The following SYNE2 variants were observed in gnomAD, a reference collection of about 807,000 sequenced individuals.
SYNE2 encodes nesprin-2.
In SYNE2, 431 loss-of-function variants were observed where a neutral mutation model predicts 856.3. The observed-to-expected ratio is 0.50, with a 90% CI of 0.47 to 0.55. The LOEUF is 0.55. Among genes scored for constraint, SYNE2 ranks in the 20% least tolerant of loss-of-function variants. The pLI, the probability that SYNE2 is intolerant of heterozygous loss-of-function variation, is 0.00. For missense variants in SYNE2, 8,129 were observed against 8,023.2 expected (o/e 1.01, Z -0.50); for synonymous variants, 2,923 against 2,872.3 (o/e 1.02, Z -0.56).
chr14:64,217,988 C>G (rs1347693994), intron 108 of SYNE2, among the ~76,000 whole-genome samples: 1 of 152,204 alleles, frequency 6.6e-6, no homozygotes, highest in Non-Finnish European at 1.5e-5. Flanking sequence ...TGCCAACCAC[C>G]TCTACAGAGT....
chr14:64,149,987 A>G (rs893054636), intron 84 of SYNE2, among the ~76,000 whole-genome samples: 4 of 140,206 alleles, frequency 2.9e-5, no homozygotes, highest in African/African-American at 7.9e-5. Flanking sequence ...TGCTATTGCC[A>G]TGGCTTTTTT....
intron 1 of SYNE2, among the ~76,000 whole-genome samples, chr14:63,822,671 A>G (rs1889267595): frequency 6.6e-6 from 1 of 152,256 alleles, no homozygotes; most frequent in Non-Finnish European, 1.5e-5. Context: ...TGCTCTGCTC[A>G]TGTCTAGAAT....
chr14:63,774,954 TTTTA>T (rs1000791428), intron 1 of SYNE2, among the ~76,000 whole-genome samples: 3 of 151,028 alleles, frequency 2.0e-5, no homozygotes, highest in South Asian at 2.1e-4. Flanking sequence ...TTTAATTTAA[TTTTA>T]TTTATTTATT....
At position 64,027,496 on chromosome 14, in the gene SYNE2, G is replaced by GCTT; in HGVS notation, c.6420_6422dup (p.Leu2142dup). ...TTGTGAAATTTAGCCATCAAGAAAA[G>GCTT]CTTCTACTAGAAGGAGAGAAATATT... On this transcript the variant is annotated inframe_insertion, in exon 43 of 116. Coordinates refer to ENST00000555002, the MANE Select transcript of SYNE2 (RefSeq NM_182914.3). 6.3e-7 allele frequency: 1 copy of GCTT among 1,589,964 alleles called. No homozygotes were observed. Among genetic ancestry groups the GCTT allele is most frequent in the Non-Finnish European group, 8.5e-7 (1 of 1,170,456 alleles).
chr14:63,789,872 G>C (rs539726062), intron 1 of SYNE2, among the ~76,000 whole-genome samples: 85 of 152,090 alleles, frequency 5.6e-4, no homozygotes, highest in Non-Finnish European at 9.9e-4. Flanking sequence ...TGAAAAAATT[G>C]TAGGGGAGTT....
rs2097894182 is a variant in SYNE2, at chr14:64,120,998, A to G, written c.13095A>G (p.Glu4365=). ...QEALQPVNLS[E]LESIVTERPQ... ...CTCTCCAACCAGTTAACCTTTCTGA[A>G]TTGGAATCCATTGTAACTGAAAGGC... Residue 4365 remains glutamate (E), a synonymous_variant, in exon 68 of 116, where the codon GAA becomes GAG. Coordinates refer to ENST00000555002, the MANE Select transcript of SYNE2 (RefSeq NM_182914.3). The G allele has an allele frequency of 6.2e-7, 1 of 1,614,078 alleles. No individual in the cohort carries two copies. The highest frequency in any genetic ancestry group is 1.3e-5 in the African/African-American group (1 of 74,924).
chr14:64,134,837 A>T (rs1237973724), intron 78 of SYNE2, among the ~76,000 whole-genome samples: 1 of 151,710 alleles, frequency 6.6e-6, no homozygotes, highest in Admixed American at 6.6e-5. Context: ...AAAAAAAAAA[A>T]TTAGCTGGGC....
At chr14:63,852,149 G>T (rs1292414490), upstream of SYNE2, among the ~76,000 whole-genome samples, 6 of 152,010 alleles carry the variant, frequency 3.9e-5, no homozygotes, top group Non-Finnish European at 7.4e-5. Flanking sequence ...AAATTTGATT[G>T]TGATAGAAAC....
At chr14:64,173,877 C>G (rs376992714) in intron 94 of SYNE2, 1 of 655,728 alleles carries the variant, frequency 1.5e-6, no homozygotes, top group African/African-American at 1.8e-5. Context: ...ATTATAAATA[C>G]CTAGTTTCAA....
rs367888426 is a variant in SYNE2, at chr14:64,140,083, A to G, written c.14976+10A>G. The G allele has an allele frequency of 1.6e-4, 257 of 1,611,856 alleles. No individual in the cohort carries two copies. The highest frequency in any genetic ancestry group is 1.3e-3 in the Middle Eastern group (8 of 6,082). On this transcript the variant is annotated intron_variant, in intron 80 of 115. Transcript: ENST00000555002. Reference sequence around the variant, plus strand: ...CATCAACAATTTTTTTGTAAGTTGTAATAGCATATGTTCAGTTAATTACTG... The same window carrying G: ...CATCAACAATTTTTTTGTAAGTTGTGATAGCATATGTTCAGTTAATTACTG...
intron 1 of SYNE2, among the ~76,000 whole-genome samples, chr14:63,839,436 G>A (rs950302066): frequency 2.0e-5 from 3 of 152,002 alleles, no homozygotes; most frequent in Non-Finnish European, 2.9e-5. Context: ...CACCCCCCAC[G>A]CCCATTTACT....
intron 1 of SYNE2, among the ~76,000 whole-genome samples, chr14:63,772,179 C>A (rs1456635008): frequency 6.6e-6 from 1 of 152,036 alleles, no homozygotes; most frequent in Non-Finnish European, 1.5e-5. Context: ...CATGGTGAAA[C>A]CCTGTCTCTA....
intron 1 of SYNE2, among the ~76,000 whole-genome samples, chr14:63,770,771 C>A (rs1033829810): frequency 1.3e-5 from 2 of 152,050 alleles, no homozygotes; most frequent in Non-Finnish European, 2.9e-5. Context: ...GCCTGGGTGA[C>A]AGAGCAAGAT....
At chr14:63,827,226 C>T (rs140065120) in intron 1 of SYNE2, among the ~76,000 whole-genome samples, 311 of 149,540 alleles carry the variant, frequency 2.1e-3, no homozygotes, top group Non-Finnish European at 3.5e-3. Flanking sequence ...TGCAGTGAGC[C>T]GAGATTGTGC....
chr14:64,201,129 C>T (rs1371675409), intron 99 of SYNE2, among the ~76,000 whole-genome samples: 1 of 152,204 alleles, frequency 6.6e-6, no homozygotes, highest in Non-Finnish European at 1.5e-5. Flanking sequence ...CGGTTAGGTA[C>T]ATTGCAGGGT....
At chr14:63,977,472 A>G (rs2096553344) in intron 12 of SYNE2, among the ~76,000 whole-genome samples, 2 of 152,188 alleles carry the variant, frequency 1.3e-5, no homozygotes, top group Admixed American at 6.5e-5. Flanking sequence ...TCGGCCTCCC[A>G]TAGTGCTGGG....
intron 2 of SYNE2, among the ~76,000 whole-genome samples, chr14:63,926,245 C>T (rs2095664283): frequency 6.6e-6 from 1 of 151,772 alleles, no homozygotes; most frequent in Admixed American, 6.6e-5. Context: ...ATCTCACCCC[C>T]AGCCCTAGGC....
chr14:64,053,362 A>G lies in SYNE2; in HGVS notation c.9449A>G (p.Asp3150Gly). 6.2e-7 allele frequency: 1 copy of G among 1,613,642 alleles called. No individual in the cohort carries two copies. The highest frequency in any genetic ancestry group is 8.5e-7 in the Non-Finnish European group (1 of 1,179,936). The change falls in exon 48 of 116, where the codon GAT (aspartate) becomes GGT (glycine). Residue 3150 changes from aspartate to glycine, a missense_variant. Asp to Gly is a moderately conservative substitution (Grantham distance 94). This residue lies in a region of SYNE2 where 5,410 missense variants were observed against 5,284.8 expected (regional missense o/e 1.02). Coordinates refer to ENST00000555002, the MANE Select transcript of SYNE2 (RefSeq NM_182914.3). The part of the protein sequence containing the change: ...MVLELSPKEL[D>G]EKNCQDKLET... ...TTAGAACTCTCACCAAAAGAATTGGATGAAAAGAATTGTCAGGACAAACTA... is the reference window on the plus strand; with the variant it reads ...TTAGAACTCTCACCAAAAGAATTGGGTGAAAAGAATTGTCAGGACAAACTA...
chr14:64,200,249 CA>C (rs1305071118), intron 99 of SYNE2, among the ~76,000 whole-genome samples: 2 of 152,184 alleles, frequency 1.3e-5, no homozygotes, highest in Non-Finnish European at 2.9e-5. Flanking sequence ...GGAATAGGGT[CA>C]GGGGCTAGAT....
Sources: allele counts gnomAD v4.1 joint callset (sites outside exome capture counted in the v4.1 genomes callset), GRCh38; gene constraint gnomAD v4.1.1; regional missense constraint gnomAD v4.1.1; transcripts MANE v1.5; gene names NCBI Gene and HGNC (gene_info 2026-07-23, HGNC 2026-07-21).